The following ITGA9 variants were observed in gnomAD, a reference collection of about 807,000 sequenced individuals.
The protein encoded by ITGA9 is integrin subunit alpha 9.
A neutral mutation model predicts 127.8 loss-of-function variants in ITGA9; 56 were observed. That is an observed-to-expected ratio of 0.44 (90% CI 0.35 to 0.55). The LOEUF (loss-of-function observed/expected upper bound fraction) is 0.55. ITGA9 is among the 20% of genes least tolerant of loss of function. The probability of loss-of-function intolerance (pLI) is 0.00; values close to 1 mark genes in which losing one functional copy is unlikely to be tolerated. For synonymous variants in ITGA9, 508 were observed against 514.5 expected (o/e 0.99, Z 0.17); for missense variants, 1,196 against 1,347.1 (o/e 0.89, Z 1.76).
rs117643761 is a variant in ITGA9 at position 37,709,930 on chromosome 3, G to A, written c.2068-22782G>A. ...GCGGAAGTTGCAGTGAGCCAAGATA[G>A]CGCCACTGCACTCCAGCCTGGGTGA... On this transcript the variant is annotated intron_variant, in intron 18 of 27. Coordinates refer to ENST00000264741, the MANE Select transcript of ITGA9 (RefSeq NM_002207.3). Among the ~76,000 whole-genome samples the A allele has an allele frequency of 6.6e-4, 101 of 152,312 alleles. 6 individuals carry two copies. The East Asian group carries it at 0.019, about 28-fold the overall frequency.
At chr3:37,486,198 A>G (rs1275688262) in intron 4 of ITGA9, among the ~76,000 whole-genome samples, 1 of 152,232 alleles carries the variant, frequency 6.6e-6, no homozygotes, top group Non-Finnish European at 1.5e-5. Context: ...GAAAAACCTG[A>G]TGAGTGTGGA....
rs575687777 is a variant in ITGA9 at position 37,720,089 on chromosome 3, G to A, written c.2068-12623G>A. On this transcript the variant is annotated intron_variant, in intron 18 of 27. Transcript: ENST00000264741. Reference sequence around the variant, plus strand: ...GTTAGCTTCTAACTCATCAGGTCTAGGGTGGGGCCTGAGAATCTGCATTTC... The same window carrying A: ...GTTAGCTTCTAACTCATCAGGTCTAAGGTGGGGCCTGAGAATCTGCATTTC... 1.8e-3 allele frequency among the ~76,000 whole-genome samples: 270 copies of A among 152,296 alleles called. 4 individuals carry two copies. The highest frequency in any genetic ancestry group is 4.9e-4 in the Non-Finnish European group (33 of 68,022).
chr3:37,582,753 A>G (rs1313496906), intron 15 of ITGA9, among the ~76,000 whole-genome samples: 1 of 152,130 alleles, frequency 6.6e-6, no homozygotes, highest in Non-Finnish European at 1.5e-5. Flanking sequence ...TGATTGGCTG[A>G]TTTTTGGACC....
chr3:37,790,257 T>A, intron 26 of ITGA9: 1 of 548,026 alleles, frequency 1.8e-6, no homozygotes, highest in South Asian at 1.4e-5. Context: ...CTTTTAGAAA[T>A]GGCAGCAGCT....
At chr3:37,740,111 G>C (rs1038628497) in intron 20 of ITGA9, among the ~76,000 whole-genome samples, 1 of 152,204 alleles carries the variant, frequency 6.6e-6, no homozygotes, top group Non-Finnish European at 1.5e-5. Flanking sequence ...AAGGAGAGGG[G>C]ATGTGAGAGC....
intron 18 of ITGA9, among the ~76,000 whole-genome samples, chr3:37,689,902 C>T (rs981056): frequency 1.3e-5 from 2 of 152,210 alleles, no homozygotes; most frequent in Non-Finnish European, 2.9e-5. Context: ...CACAAGGAGA[C>T]ACAAAGATCT....
intron 9 of ITGA9, among the ~76,000 whole-genome samples, chr3:37,516,229 T>C (rs549146947): frequency 3.9e-5 from 6 of 152,336 alleles, no homozygotes; most frequent in African/African-American, 1.4e-4. Flanking sequence ...TGTATGGTTA[T>C]TCTAAGTACC....
intron 15 of ITGA9, among the ~76,000 whole-genome samples, chr3:37,570,707 T>C (rs1166658331): frequency 6.6e-6 from 1 of 152,230 alleles, no homozygotes; most frequent in African/African-American, 2.4e-5. Flanking sequence ...ATCCTTTTTC[T>C]TTTTAACTGC....
chr3:37,769,014 G>A (rs998518794), intron 23 of ITGA9, among the ~76,000 whole-genome samples: 7 of 152,052 alleles, frequency 4.6e-5, no homozygotes, highest in African/African-American at 9.7e-5. Flanking sequence ...ATGGCAAACT[G>A]GTAGAGGCAT....
Position 37,629,141 on chromosome 3 carries a change from T to A in ITGA9, c.1690-46T>A, listed in dbSNP as rs1289666056. 6.2e-7 allele frequency: 1 copy of A among 1,609,404 alleles called. No individual in the cohort carries two copies. Among genetic ancestry groups the A allele is most frequent in the Non-Finnish European group, 8.5e-7 (1 of 1,177,610 alleles). ...TAAACTGTGAAATGCTCTACGACTG[T>A]CAGCCAGGATTAGTAGTTAATGCAC... On this transcript the variant is annotated intron_variant, in intron 15 of 27. Coordinates refer to ENST00000264741, the MANE Select transcript of ITGA9 (RefSeq NM_002207.3). The surrounding 1 kb of genome is among the most constrained non-coding windows in gnomAD (Gnocchi z 4.5).
chr3:37,589,132 G>C (rs549768724), intron 15 of ITGA9, among the ~76,000 whole-genome samples: 1 of 152,346 alleles, frequency 6.6e-6, no homozygotes, highest in South Asian at 2.1e-4. Flanking sequence ...TGTAGGTAGA[G>C]TTGTGTAGGT....
intron 16 of ITGA9, among the ~76,000 whole-genome samples, chr3:37,648,649 T>G (rs941462295): frequency 6.6e-6 from 1 of 151,486 alleles, no homozygotes; most frequent in African/African-American, 2.4e-5. Context: ...AAAATAAAAT[T>G]TAAAAACCCT....
chr3:37,818,903 C>T lies in ITGA9; in HGVS notation c.3022C>T (p.Arg1008Cys), dbSNP rs746885129. Reference sequence around the variant, plus strand: ...TTCTGCCTTTCAGATGGGCTTCTTTCGCCGAAGGTACAAAGAAATTATCGA... The same window carrying T: ...TTCTGCCTTTCAGATGGGCTTCTTTTGCCGAAGGTACAAAGAAATTATCGA... ...AVLLWKMGFF[R>C]RRYKEIIEAE... Residue 1008 changes from arginine to cysteine, a missense_variant, in exon 28 of 28, where the codon CGC becomes TGC. Coordinates refer to ENST00000264741, the MANE Select transcript of ITGA9 (RefSeq NM_002207.3). The T allele has an allele frequency of 4.3e-6, 7 of 1,613,454 alleles. No homozygotes were observed. The highest frequency in any genetic ancestry group is 2.2e-5 in the East Asian group (1 of 44,876).
chr3:37,508,244 A>C (rs969479319), intron 7 of ITGA9, among the ~76,000 whole-genome samples: 1 of 152,248 alleles, frequency 6.6e-6, no homozygotes, highest in African/African-American at 2.4e-5. Flanking sequence ...TTCAAGAAAC[A>C]AAATACTAGC....
chr3:37,533,512 G>A (rs750099997), intron 14 of ITGA9, 44 bp downstream of exon 14: 34 of 1,598,192 alleles, frequency 2.1e-5, no homozygotes, highest in Non-Finnish European at 2.8e-5. Context: ...CGTTTAGCTG[G>A]AGTGGGCTAG....
At chr3:37,572,883 G>A (rs1441318521) in intron 15 of ITGA9, among the ~76,000 whole-genome samples, 1 of 152,166 alleles carries the variant, frequency 6.6e-6, no homozygotes, top group African/African-American at 2.4e-5. Context: ...TAATAAGCCT[G>A]AAAAGCATGA....
intron 15 of ITGA9, among the ~76,000 whole-genome samples, chr3:37,622,706 G>A (rs937731852): frequency 7.9e-5 from 12 of 151,970 alleles, no homozygotes; most frequent in East Asian, 7.8e-4. Flanking sequence ...TTAGCTGGGC[G>A]TGGTGGTGTG....
At chr3:37,617,462 A>T (rs1225746700) in intron 15 of ITGA9, among the ~76,000 whole-genome samples, 3 of 151,906 alleles carry the variant, frequency 2.0e-5, no homozygotes, top group Non-Finnish European at 4.4e-5. Context: ...CTTCTCGAGG[A>T]GTATCTTTGT....
intron 15 of ITGA9, among the ~76,000 whole-genome samples, chr3:37,565,539 G>A (rs1360191310): frequency 1.3e-5 from 2 of 152,212 alleles, no homozygotes; most frequent in Admixed American, 6.5e-5. Context: ...TCACCTGAAG[G>A]GCTTGTTTAA....
Sources: allele counts gnomAD v4.1 joint callset (sites outside exome capture counted in the v4.1 genomes callset), GRCh38; gene constraint gnomAD v4.1.1; non-coding constraint Gnocchi (gnomAD v3.1); transcripts MANE v1.5; gene names NCBI Gene and HGNC (gene_info 2026-07-23, HGNC 2026-07-21).